GRIA1: variants seen among roughly 807,000 people sequenced by gnomAD.
GRIA1 encodes glutamate ionotropic receptor AMPA type subunit 1.
In GRIA1, 31 loss-of-function variants were observed where a neutral mutation model predicts 99.2. The observed-to-expected ratio is 0.31, with a 90% confidence interval of 0.23 to 0.42. The LOEUF is 0.42. GRIA1 is among the 10% of genes least tolerant of loss of function. The pLI is 1.00. For synonymous variants in GRIA1, 438 were observed against 432.4 expected (o/e 1.01, Z -0.16); for missense variants, 782 against 1,157.5 (o/e 0.68, Z 4.71).
intron 10 of GRIA1, among the ~76,000 whole-genome samples, chr5:153,701,944 ATACTT>A (rs1758564718): frequency 6.6e-6 from 1 of 152,292 alleles, no homozygotes; most frequent in South Asian, 2.1e-4. Flanking sequence ...GCTATGTTGA[ATACTT>A]TACTCACATT....
intron 2 of GRIA1, among the ~76,000 whole-genome samples, chr5:153,519,245 G>C (rs1581165772): frequency 1.3e-5 from 2 of 152,062 alleles, no homozygotes; most frequent in South Asian, 4.2e-4. Context: ...CTGGACGACA[G>C]AGCGAGACTC....
chr5:153,680,393 G>A (rs558934370), intron 7 of GRIA1, among the ~76,000 whole-genome samples: 13 of 152,136 alleles, frequency 8.5e-5, no homozygotes, highest in East Asian at 7.7e-4. Flanking sequence ...CCTTCTGGAC[G>A]GTGGAGAAGA....
At position 153,647,057 on chromosome 5, in the gene GRIA1, C is replaced by T; in HGVS notation, c.350C>T (p.Thr117Ile). 2 of 1,613,994 alleles carry T rather than the reference C, an allele frequency of 1.2e-6. No homozygotes were observed. ...CFITPSFPVDTSNQFVLQLRP... is the reference protein window; with the variant it reads ...CFITPSFPVDISNQFVLQLRP... The stretch of plus-strand genomic sequence containing the variant: ...ATTACGCCGAGCTTTCCCGTTGATA[C>T]ATCCAATCAGTTTGTCCTTCAGCTG... Residue 117 changes from threonine to isoleucine, a missense_variant, in exon 3 of 16, where the codon ACA becomes ATA. Thr to Ile is a moderately conservative substitution (Grantham distance 89). Around this residue, in one of 5 missense-constraint regions of GRIA1, gnomAD observed 461 missense variants for 521.7 expected, o/e 0.88. Coordinates refer to ENST00000285900, the MANE Select transcript of GRIA1 (RefSeq NM_000827.4).
At chr5:153,560,049 C>G (rs948387158) in intron 2 of GRIA1, among the ~76,000 whole-genome samples, 1 of 152,122 alleles carries the variant, frequency 6.6e-6, no homozygotes. Context: ...CAGAGACTTA[C>G]ATGCCTTGCC....
chr5:153,570,354 A>C (rs991677090), intron 2 of GRIA1, among the ~76,000 whole-genome samples: 3 of 152,220 alleles, frequency 2.0e-5, no homozygotes, highest in South Asian at 2.1e-4. Flanking sequence ...GTCCTACAAG[A>C]AGTCTCTCAA....
At position 153,646,884 on chromosome 5, in the gene GRIA1, C is replaced by T. The variant is rs756298257; in HGVS notation, c.221-44C>T. ...GATTCATTTTGGAGTCATCTGACCACTTTTTGCAGTCTTCTATTCATTAAT... is the reference window on the plus strand; with the variant it reads ...GATTCATTTTGGAGTCATCTGACCATTTTTTGCAGTCTTCTATTCATTAAT... On this transcript the variant is annotated intron_variant, in intron 2 of 15. Transcript: ENST00000285900. The T allele has an allele frequency of 5.0e-6, 8 of 1,603,994 alleles. No homozygotes were observed. The South Asian group carries it at 9.0e-5, about 18-fold the overall frequency.
chr5:153,551,553 G>A (rs1416630512), intron 2 of GRIA1, among the ~76,000 whole-genome samples: 2 of 152,180 alleles, frequency 1.3e-5, no homozygotes, highest in African/African-American at 2.4e-5. Flanking sequence ...AGATAGCTCT[G>A]TAAATAGAGC....
At chr5:153,667,476 G>A (rs1037618725) in intron 5 of GRIA1, among the ~76,000 whole-genome samples, 1 of 152,204 alleles carries the variant, frequency 6.6e-6, no homozygotes, top group Non-Finnish European at 1.5e-5. Context: ...TGTATTTGAA[G>A]CAGTTCTAAC....
intron 11 of GRIA1, among the ~76,000 whole-genome samples, chr5:153,748,679 G>A (rs748533920): frequency 1.9e-4 from 29 of 152,148 alleles, no homozygotes; most frequent in Admixed American, 6.6e-5. Context: ...TGATTGGACT[G>A]GATGGGCTGG....
At chr5:153,492,194 C>A in intron 1 of GRIA1, 1 of 1,529,240 alleles carries the variant, frequency 6.5e-7, no homozygotes, top group Non-Finnish European at 8.7e-7. Context: ...TTTTGTCGGG[C>A]ATACATGTGC....
intron 11 of GRIA1, among the ~76,000 whole-genome samples, chr5:153,720,817 G>C (rs1760004802): frequency 6.6e-6 from 1 of 152,192 alleles, no homozygotes; most frequent in Non-Finnish European, 1.5e-5. Context: ...CTCATGGCCA[G>C]TTCTGTATTC....
intron 2 of GRIA1, among the ~76,000 whole-genome samples, chr5:153,514,198 TG>T (rs1295023986): frequency 6.6e-6 from 1 of 152,250 alleles, no homozygotes; most frequent in Admixed American, 6.5e-5. Context: ...CATGTTGTGA[TG>T]CGTTTTTTAC....
chr5:153,492,928 C>T (rs1754063780), intron 1 of GRIA1, among the ~76,000 whole-genome samples: 1 of 152,190 alleles, frequency 6.6e-6, no homozygotes, highest in Admixed American at 6.5e-5. Flanking sequence ...AACAGACACC[C>T]ACTCTACAAG....
intron 7 of GRIA1, 113 bp from the exon 8 acceptor site, chr5:153,686,112 A>G: frequency 1.3e-6 from 1 of 793,764 alleles, no homozygotes; most frequent in South Asian, 1.5e-5. Flanking sequence ...GGATACTCCA[A>G]GACATCATTC....
chr5:153,650,583 C>A, intron 4 of GRIA1, 69 bp downstream of exon 4: 1 of 1,472,564 alleles, frequency 6.8e-7, no homozygotes, highest in South Asian at 1.3e-5. Context: ...CACACTTTTG[C>A]CTTGGGTGTT....
At chr5:153,665,493 G>C (rs1284134277) in intron 5 of GRIA1, among the ~76,000 whole-genome samples, 2 of 152,232 alleles carry the variant, frequency 1.3e-5, no homozygotes, top group Non-Finnish European at 2.9e-5. Flanking sequence ...TATATAGGGA[G>C]AGGACACCTT....
intron 2 of GRIA1, among the ~76,000 whole-genome samples, chr5:153,570,951 T>C (rs1762060946): frequency 6.6e-6 from 1 of 152,134 alleles, no homozygotes. Flanking sequence ...TCTGGATTAC[T>C]AATATCAAAA....
chr5:153,622,162 C>A (rs1343985194), intron 2 of GRIA1, among the ~76,000 whole-genome samples: 1 of 152,174 alleles, frequency 6.6e-6, no homozygotes, highest in Non-Finnish European at 1.5e-5. Context: ...AATCAGAAAT[C>A]CTGGAGGTGG....
At chr5:153,493,778 T>A in intron 1 of GRIA1, 150 bp from the exon 2 acceptor site, 1 of 724,126 alleles carries the variant, frequency 1.4e-6, no homozygotes, top group Non-Finnish European at 2.3e-6. Context: ...AGTGTCCAGT[T>A]AAGCCTATTT....
Sources: allele counts gnomAD v4.1 joint callset (sites outside exome capture counted in the v4.1 genomes callset), GRCh38; gene constraint gnomAD v4.1.1; regional missense constraint gnomAD v4.1.1; transcripts MANE v1.5; gene names NCBI Gene and HGNC (gene_info 2026-07-23, HGNC 2026-07-21).